The following CNBD1 variants were observed in gnomAD, a reference collection of about 807,000 sequenced individuals.
The protein encoded by CNBD1 is cyclic nucleotide binding domain containing 1, also known as cyclic nucleotide-binding domain-containing protein 1.
A neutral mutation model predicts 54.4 loss-of-function variants in CNBD1; 71 were observed. That is an observed-to-expected ratio of 1.30 (90% confidence interval 1.08 to 1.59). CNBD1 has a LOEUF of 1.59. CNBD1 is among the 40% of genes most tolerant of loss of function. The probability of loss-of-function intolerance (pLI) is 0.00; values close to 1 mark genes in which losing one functional copy is unlikely to be tolerated. For synonymous variants in CNBD1, 182 were observed against 170.7 expected, an observed-to-expected ratio of 1.07 and a Z score of -0.51; for missense variants, 659 against 518.0, an observed-to-expected ratio of 1.27 and a Z score of -2.64.
intron 4 of CNBD1, among the ~76,000 whole-genome samples, chr8:87,147,071 T>C (rs1374649385): frequency 6.6e-6 from 1 of 152,142 alleles, no homozygotes; most frequent in African/African-American, 2.4e-5. Context: ...TAGCTGTTCC[T>C]TCTTTCAATT....
chr8:87,316,177 T>C (rs1441602542), intron 8 of CNBD1, among the ~76,000 whole-genome samples: 1 of 151,992 alleles, frequency 6.6e-6, no homozygotes, highest in African/African-American at 2.4e-5. Flanking sequence ...CAGCAAGCTG[T>C]AATATTGTTG....
chr8:87,149,047 T>G (rs1398658907), intron 4 of CNBD1, among the ~76,000 whole-genome samples: 1 of 152,204 alleles, frequency 6.6e-6, no homozygotes, highest in African/African-American at 2.4e-5. Context: ...GTCTACAGAT[T>G]CTCTTACATG....
intron 2 of CNBD1, among the ~76,000 whole-genome samples, chr8:87,422,397 T>C (rs1029606176): frequency 2.0e-5 from 2 of 98,872 alleles, no homozygotes; most frequent in Non-Finnish European, 4.0e-5. Context: ...CCAGGGTTTT[T>C]ATGGTTTAGG....
At chr8:87,117,073 A>C (rs1313471525) in intron 4 of CNBD1, among the ~76,000 whole-genome samples, 1 of 152,158 alleles carries the variant, frequency 6.6e-6, no homozygotes, top group African/African-American at 2.4e-5. Flanking sequence ...ATGGCGAATT[A>C]ACCATCTTAT....
chr8:86,940,270 G>C (rs1311855703), intron 4 of CNBD1, among the ~76,000 whole-genome samples: 1 of 151,640 alleles, frequency 6.6e-6, no homozygotes, highest in Non-Finnish European at 1.5e-5. Context: ...GGGTTCAAGT[G>C]ATTCTCCTGC....
chr8:86,922,300 G>A (rs1245135352), intron 3 of CNBD1, among the ~76,000 whole-genome samples: 1 of 151,974 alleles, frequency 6.6e-6, no homozygotes, highest in Non-Finnish European at 1.5e-5. Context: ...CTTGAGGTGG[G>A]AGAGGAGACA....
intron 4 of CNBD1, among the ~76,000 whole-genome samples, chr8:87,084,997 A>G (rs1022922273): frequency 6.6e-6 from 1 of 152,206 alleles, no homozygotes; most frequent in Non-Finnish European, 1.5e-5. Flanking sequence ...TTTTTAAACA[A>G]TACTTATGTT....
chr8:86,897,534 A>G (rs941750155), intron 2 of CNBD1, among the ~76,000 whole-genome samples: 1 of 152,200 alleles, frequency 6.6e-6, no homozygotes, highest in East Asian at 1.9e-4. Context: ...TCTACCCAAG[A>G]ATGGCTAAAG....
At chr8:87,342,533 G>A (rs1234239471) in intron 8 of CNBD1, among the ~76,000 whole-genome samples, 1 of 151,832 alleles carries the variant, frequency 6.6e-6, no homozygotes, top group Non-Finnish European at 1.5e-5. Context: ...AAAACTATTG[G>A]GGGAACCAGC....
chr8:87,027,097 C>G (rs1387075159), intron 4 of CNBD1, among the ~76,000 whole-genome samples: 1 of 151,560 alleles, frequency 6.6e-6, no homozygotes, highest in Non-Finnish European at 1.5e-5. Context: ...TTTTAATAAG[C>G]CAATTTGGTA....
chr8:87,134,888 C>T (rs907066858), intron 4 of CNBD1, among the ~76,000 whole-genome samples: 1 of 151,944 alleles, frequency 6.6e-6, no homozygotes, highest in Non-Finnish European at 1.5e-5. Context: ...GGATTACAGG[C>T]GTGAGCCACC....
intron 6 of CNBD1, among the ~76,000 whole-genome samples, chr8:87,253,155 T>C (rs1294641604): frequency 6.6e-6 from 1 of 152,112 alleles, no homozygotes; most frequent in Non-Finnish European, 1.5e-5. Flanking sequence ...AGTTTGAATA[T>C]ATTCTCTTTT....
intron 4 of CNBD1, among the ~76,000 whole-genome samples, chr8:87,075,714 G>A (rs943108180): frequency 3.0e-4 from 46 of 152,144 alleles, no homozygotes; most frequent in African/African-American, 1.1e-3. Context: ...GGCTTTCCAT[G>A]AGATGAGCAG....
At chr8:86,890,870 T>G (rs1314417430) in intron 2 of CNBD1, among the ~76,000 whole-genome samples, 6 of 152,088 alleles carry the variant, frequency 3.9e-5, no homozygotes, top group Non-Finnish European at 1.5e-5. Flanking sequence ...TTTTTTTTCA[T>G]GAACACATTG....
intron 4 of CNBD1, among the ~76,000 whole-genome samples, chr8:87,128,012 GA>G (rs1381598087): frequency 2.0e-5 from 3 of 152,144 alleles, no homozygotes; most frequent in Non-Finnish European, 4.4e-5. Context: ...AGAATGGCAC[GA>G]TAAAGAGAAG....
intron 10 of CNBD1, 79 bp from the exon 11 acceptor site, chr8:87,382,541 G>A (rs547954818): frequency 1.5e-5 from 17 of 1,139,888 alleles, no homozygotes; most frequent in Non-Finnish European, 2.2e-5. Context: ...TAATTTTAGG[G>A]TTCTATTCTG....
chr8:87,274,340 C>T (rs886309059), intron 6 of CNBD1, among the ~76,000 whole-genome samples: 6 of 148,884 alleles, frequency 4.0e-5, no homozygotes, highest in Non-Finnish European at 5.9e-5. Flanking sequence ...CCTGAGGAAT[C>T]GCCACACTGA....
intron 4 of CNBD1, among the ~76,000 whole-genome samples, chr8:87,144,050 A>G (rs1812431194): frequency 6.6e-6 from 1 of 152,164 alleles, no homozygotes; most frequent in Non-Finnish European, 1.5e-5. Flanking sequence ...GAAATGATAA[A>G]ATAAAGCAGT....
intron 4 of CNBD1, among the ~76,000 whole-genome samples, chr8:87,132,282 T>G (rs1238631993): frequency 6.6e-6 from 1 of 151,848 alleles, no homozygotes; most frequent in Non-Finnish European, 1.5e-5. Flanking sequence ...TTAGTAAGTT[T>G]GATATCTCTT....
Sources: gnomAD v4.1 joint callset for allele counts (sites outside exome capture counted in the v4.1 genomes callset) on GRCh38, gnomAD v4.1.1 for gene constraint, MANE v1.5 for transcripts, NCBI Gene and HGNC (gene_info 2026-07-23, HGNC 2026-07-21) for gene names.